C3orf49: variants seen among roughly 807,000 people sequenced by gnomAD.
C3orf49 encodes putative uncharacterized protein C3orf49.
C3orf49 carries 27 observed loss-of-function variants against 13.3 expected under a neutral mutation model. The ratio of observed to expected loss-of-function variants is 2.02; its 90% confidence interval spans 1.49 to 2.79. The LOEUF (loss-of-function observed/expected upper bound fraction) is 2.79. Ranked by LOEUF, C3orf49 falls within the 30% of genes most tolerant of loss-of-function variation. The pLI, the probability that C3orf49 is intolerant of heterozygous loss-of-function variation, is 0.00. For missense variants in C3orf49, 242 were observed against 134.2 expected, an observed-to-expected ratio of 1.80 and a Z score of -3.97; for synonymous variants, 87 against 47.6, an observed-to-expected ratio of 1.83 and a Z score of -3.40.
At chr3:63,806,901 ACT>A in the C3orf49 span, among the ~76,000 whole-genome samples, 6 of 151,902 alleles carry the variant, frequency 3.9e-5, no homozygotes, top group Non-Finnish European at 8.8e-5. Flanking sequence ...GGAACCATAA[ACT>A]CTAACTGCAA....
At chr3:63,820,583 T>C (rs943897584) in intron 1 of C3orf49, among the ~76,000 whole-genome samples, 19 of 152,174 alleles carry the variant, frequency 1.2e-4, no homozygotes, top group African/African-American at 3.6e-4. Flanking sequence ...GTCTTCAAAA[T>C]TCCTGAATCT....
chr3:63,783,548 A>ACACACC, the C3orf49 span, among the ~76,000 whole-genome samples: 1 of 150,870 alleles, frequency 6.6e-6, no homozygotes, highest in Non-Finnish European at 1.5e-5. Context: ...ACACACACAC[A>ACACACC]CACACACACA....
At chr3:63,805,603 G>A in the C3orf49 span, among the ~76,000 whole-genome samples, 1 of 152,318 alleles carries the variant, frequency 6.6e-6, no homozygotes, top group African/African-American at 2.4e-5. Flanking sequence ...CCCCACGGGG[G>A]CAAAAACAAA....
the C3orf49 span, among the ~76,000 whole-genome samples, chr3:63,783,266 A>G: frequency 4.6e-5 from 7 of 152,210 alleles, no homozygotes; most frequent in African/African-American, 1.7e-4. Flanking sequence ...TCCACTTGTA[A>G]TAAAAACTAA....
In C3orf49 at chr3:63,819,301, C is replaced by G. The variant is rs1389795551; in HGVS notation, c.-171C>G. ...AGGGCCAGTCCCACAAATAATGTCT[C>G]TAACACCTGGAAGGGAATAAGGGAA... On this transcript the variant is annotated 5_prime_UTR_variant, in exon 1 of 7. Transcript: ENST00000295896. The G allele has an allele frequency of 3.5e-6, 2 of 565,714 alleles. No individual in the cohort carries two copies. The highest frequency in any genetic ancestry group is 1.9e-5 in the African/African-American group (1 of 53,432). The allele number at this position is 565,714 out of a possible 1,614,324, so 35.0% of individuals were successfully genotyped here. A position where few individuals can be genotyped will look rare whatever the true frequency, so the allele number is the denominator to read the frequency against.
chr3:63,824,560 C>T (rs1054849165), intron 2 of C3orf49, among the ~76,000 whole-genome samples: 9 of 152,140 alleles, frequency 5.9e-5, no homozygotes, highest in Admixed American at 1.3e-4. Context: ...GAGTCTAGGC[C>T]GGGAGCAGTG....
At chr3:63,811,241 T>A in the C3orf49 span, among the ~76,000 whole-genome samples, 1 of 152,170 alleles carries the variant, frequency 6.6e-6, no homozygotes, top group Non-Finnish European at 1.5e-5. Flanking sequence ...TGAAATTAAG[T>A]CAATAACTAA....
chr3:63,813,885 G>C, the C3orf49 span, among the ~76,000 whole-genome samples: 2 of 152,180 alleles, frequency 1.3e-5, no homozygotes, highest in East Asian at 3.9e-4. Context: ...AATTAGTGAG[G>C]ACTCTTCAGG....
chr3:63,843,916 A>G (rs1029631651), intron 5 of C3orf49, among the ~76,000 whole-genome samples: 10 of 152,076 alleles, frequency 6.6e-5, no homozygotes, highest in South Asian at 4.1e-4. Context: ...AAAAAAAACA[A>G]AACTGTGGAT....
chr3:63,844,442 CCAACA>C (rs1250089341), intron 5 of C3orf49, among the ~76,000 whole-genome samples: 3 of 152,064 alleles, frequency 2.0e-5, no homozygotes, highest in Non-Finnish European at 4.4e-5. Flanking sequence ...TATATATACT[CCAACA>C]CATCATACTG....
At chr3:63,834,319 T>C (rs1220354450) in intron 5 of C3orf49, 5 of 915,396 alleles carry the variant, frequency 5.5e-6, no homozygotes, top group South Asian at 1.7e-5. Context: ...AGATGGCTAC[T>C]AGTTGAATCA....
intron 5 of C3orf49, among the ~76,000 whole-genome samples, chr3:63,838,674 T>C (rs2107123713): frequency 6.6e-6 from 1 of 152,346 alleles, no homozygotes; most frequent in South Asian, 2.1e-4. Flanking sequence ...AAATGTAGTA[T>C]TCTTGAATTT....
At chr3:63,838,235 C>A in intron 5 of C3orf49, 1 of 899,882 alleles carries the variant, frequency 1.1e-6, no homozygotes, top group Non-Finnish European at 1.6e-6. Context: ...TTTTTTATAG[C>A]TAACATTTAC....
At chr3:63,793,607 G>T in the C3orf49 span, among the ~76,000 whole-genome samples, 1 of 151,276 alleles carries the variant, frequency 6.6e-6, no homozygotes, top group Non-Finnish European at 1.5e-5. Flanking sequence ...GCAATCAGAA[G>T]AAAATATCCA....
At chr3:63,842,558 T>C (rs554681000) in intron 5 of C3orf49, among the ~76,000 whole-genome samples, 1 of 152,290 alleles carries the variant, frequency 6.6e-6, no homozygotes, top group East Asian at 1.9e-4. Flanking sequence ...GCAACCTGGA[T>C]GGAGCTGGAG....
chr3:63,785,065 C>CTTTTTTTTTTTTTTTTT, the C3orf49 span, among the ~76,000 whole-genome samples: 6 of 64,968 alleles, frequency 9.2e-5, no homozygotes, highest in African/African-American at 2.7e-4. Context: ...TCTTCTTCTT[C>CTTTTTTTTTTTTTTTTT]TTTTTTTTTT....
chr3:63,789,354 G>A, the C3orf49 span, among the ~76,000 whole-genome samples: 11 of 152,162 alleles, frequency 7.2e-5, no homozygotes, highest in Admixed American at 1.3e-4. Context: ...GTTGAAGACC[G>A]TTGATCTACA....
At chr3:63,790,007 C>T in the C3orf49 span, among the ~76,000 whole-genome samples, 22 of 152,104 alleles carry the variant, frequency 1.4e-4, no homozygotes, top group Non-Finnish European at 2.4e-4. Flanking sequence ...GAGCCATTAT[C>T]CTTCCTAGCA....
upstream of C3orf49, among the ~76,000 whole-genome samples, chr3:63,816,501 G>A (rs150172677): frequency 4.8e-3 from 735 of 151,822 alleles, 5 homozygotes; most frequent in Non-Finnish European, 7.2e-3. Flanking sequence ...CACAAGAATC[G>A]CTTGAACCCA....
Sources: gnomAD v4.1 joint callset for allele counts (sites outside exome capture counted in the v4.1 genomes callset) on GRCh38, gnomAD v4.1.1 for gene constraint, MANE v1.5 for transcripts, NCBI Gene and HGNC (gene_info 2026-07-23, HGNC 2026-07-21) for gene names.